The following PTPRN2 variants were observed in gnomAD, a reference collection of about 807,000 sequenced individuals.
PTPRN2 encodes protein tyrosine phosphatase receptor type N2.
PTPRN2 carries 74 observed loss-of-function variants against 118.8 expected under a neutral mutation model. The ratio of observed to expected loss-of-function variants is 0.62; its 90% confidence interval spans 0.52 to 0.76. The LOEUF (loss-of-function observed/expected upper bound fraction) is 0.76, where lower values mean the gene tolerates loss of function less well. Among genes scored for constraint, PTPRN2 ranks in the 30% least tolerant of loss-of-function variants. The probability of loss-of-function intolerance (pLI) is 0.00; values close to 1 mark genes in which losing one functional copy is unlikely to be tolerated. For missense variants in PTPRN2, 1,481 were observed against 1,394.4 expected (o/e 1.06, Z -0.99); for synonymous variants, 641 against 608.0 (o/e 1.05, Z -0.80).
At chr7:158,550,106 G>A (rs1222351877) in intron 1 of PTPRN2, among the ~76,000 whole-genome samples, 3 of 152,228 alleles carry the variant, frequency 2.0e-5, no homozygotes, top group Non-Finnish European at 4.4e-5. Flanking sequence ...TTCTGAAAAT[G>A]AAAGACGGAG....
rs142633304 is a variant in PTPRN2 at position 157,842,957 on chromosome 7, C to T, written c.1788+55716G>A. Among the ~76,000 whole-genome samples the T allele has an allele frequency of 3.2e-3, 482 of 152,274 alleles. 2 individuals are homozygous for T. The highest frequency in any genetic ancestry group is 0.011 in the African/African-American group (474 of 41,546). On this transcript the variant is annotated intron_variant, in intron 12 of 22. Coordinates refer to ENST00000389418, the MANE Select transcript of PTPRN2 (RefSeq NM_002847.5). Reference sequence around the variant, plus strand: ...AGGGATGTGACAGCCCAATCCACACCGCAGACACAGATCCATTGGACCCGG... The same window carrying T: ...AGGGATGTGACAGCCCAATCCACACTGCAGACACAGATCCATTGGACCCGG...
chr7:158,353,792 TAGAA>T (rs1808184680), intron 2 of PTPRN2, among the ~76,000 whole-genome samples: 3 of 152,152 alleles, frequency 2.0e-5, no homozygotes, highest in Admixed American at 2.0e-4. Flanking sequence ...TTTCTACACT[TAGAA>T]AGGTGAGATA....
intron 11 of PTPRN2, among the ~76,000 whole-genome samples, chr7:157,997,221 C>T (rs1195657614): frequency 6.6e-6 from 1 of 152,228 alleles, no homozygotes. Flanking sequence ...CCTGGCGGCT[C>T]CATTTGCTCT....
intron 10 of PTPRN2, among the ~76,000 whole-genome samples, chr7:158,092,274 ATG>A (rs1234933125): frequency 4.5e-5 from 6 of 132,822 alleles, no homozygotes; most frequent in South Asian, 2.6e-4. Flanking sequence ...ATATACATAT[ATG>A]TGTGTGTGTA....
intron 10 of PTPRN2, among the ~76,000 whole-genome samples, chr7:158,084,664 C>T (rs1222644932): frequency 6.6e-6 from 1 of 150,850 alleles, no homozygotes; most frequent in African/African-American, 2.4e-5. Flanking sequence ...ATCCTCGACG[C>T]CCATCCACAC....
In PTPRN2 at chr7:157,621,429, G is replaced by A. The variant is rs141442242; in HGVS notation, c.2277C>T (p.Pro759=). The change falls in exon 15 of 23, where the codon CCC becomes CCT. Residue 759 remains proline (P), a synonymous_variant. Transcript: ENST00000389418. ...CCCTCTGGGCCACGAACGAGCTGTT[G>A]GGCTCCGCCTGGTAGGCGCACAGCG... The part of the protein sequence containing the change: ...WEALCAYQAE[P]NSSFVAQREE... 136 of 1,613,974 alleles carry A rather than the reference G, an allele frequency of 8.4e-5. 1 individual carries two copies. The African/African-American group carries it at 1.7e-3, about 20-fold the overall frequency.
At chr7:158,189,466 G>A (rs1197916058) in intron 5 of PTPRN2, among the ~76,000 whole-genome samples, 3 of 152,196 alleles carry the variant, frequency 2.0e-5, no homozygotes, top group Admixed American at 6.5e-5. Flanking sequence ...AAGGCACATT[G>A]GACGAGCCTC....
chr7:158,200,528 C>T (rs879413897), intron 4 of PTPRN2, among the ~76,000 whole-genome samples: 4 of 152,138 alleles, frequency 2.6e-5, no homozygotes, highest in Non-Finnish European at 5.9e-5. Flanking sequence ...ATACAATTGA[C>T]ACATTTTTAC....
At chr7:158,247,688 C>G (rs1244817126) in intron 3 of PTPRN2, among the ~76,000 whole-genome samples, 4 of 152,178 alleles carry the variant, frequency 2.6e-5, no homozygotes, top group Non-Finnish European at 5.9e-5. Context: ...GCGATCTTGG[C>G]TCACTGCAAT....
intron 11 of PTPRN2, among the ~76,000 whole-genome samples, chr7:158,071,085 C>CCGTGGTGGTGGAGGTGCT (rs1811403635): frequency 7.2e-5 from 1 of 13,850 alleles, no homozygotes. Context: ...GTGGAGGTGC[C>CCGTGGTGGTGGAGGTGCT]CGTGGTGGTG....
chr7:158,502,915 G>A (rs1362293475), intron 1 of PTPRN2, among the ~76,000 whole-genome samples: 3 of 150,732 alleles, frequency 2.0e-5, no homozygotes, highest in African/African-American at 7.3e-5. Flanking sequence ...CAGCCACTGT[G>A]TCCATCAACT....
intron 12 of PTPRN2, among the ~76,000 whole-genome samples, chr7:157,692,346 C>G (rs796661482): frequency 3.0e-4 from 46 of 152,322 alleles, no homozygotes; most frequent in African/African-American, 1.1e-3. Context: ...CCTCCCCTCC[C>G]TTGCACTCTG....
chr7:157,756,416 T>G (rs1264428547), intron 12 of PTPRN2, among the ~76,000 whole-genome samples: 1 of 151,956 alleles, frequency 6.6e-6, no homozygotes, highest in Non-Finnish European at 1.5e-5. Flanking sequence ...TGCCTCAGCC[T>G]CCCGAAGTAC....
intron 10 of PTPRN2, among the ~76,000 whole-genome samples, chr7:158,098,794 CGAG>C (rs1814899883): frequency 6.6e-6 from 1 of 151,836 alleles, no homozygotes; most frequent in Admixed American, 6.6e-5. Flanking sequence ...GCGTGACCAC[CGAG>C]GAGCTGGGGA....
chr7:157,873,416 C>T (rs1489843840), intron 12 of PTPRN2, among the ~76,000 whole-genome samples: 1 of 151,918 alleles, frequency 6.6e-6, no homozygotes, highest in Non-Finnish European at 1.5e-5. Context: ...CGACGTGTGC[C>T]AAGGACATGT....
chr7:158,532,374 G>C (rs77030244), intron 1 of PTPRN2, among the ~76,000 whole-genome samples: 1 of 152,188 alleles, frequency 6.6e-6, no homozygotes, highest in East Asian at 1.9e-4. Flanking sequence ...CGTGGCTCCT[G>C]TGGCTTCTGA....
chr7:157,720,454 C>T (rs1585302632), intron 12 of PTPRN2, among the ~76,000 whole-genome samples: 1 of 152,256 alleles, frequency 6.6e-6, no homozygotes, highest in African/African-American at 2.4e-5. Context: ...AGGACAAAGC[C>T]TTGTTGCACA....
At chr7:158,442,061 ATGGCAGTGG>A (rs1361968765) in intron 2 of PTPRN2, among the ~76,000 whole-genome samples, 3 of 127,268 alleles carry the variant, frequency 2.4e-5, no homozygotes, top group African/African-American at 6.0e-5. Flanking sequence ...GGTGATGGTG[ATGGCAGTGG>A]TGGCAGTGGT....
chr7:157,643,630 C>A (rs982059425), intron 14 of PTPRN2, among the ~76,000 whole-genome samples: 1 of 152,242 alleles, frequency 6.6e-6, no homozygotes, highest in African/African-American at 2.4e-5. Context: ...GCTCCCCCGA[C>A]GGAGCCCCTG....
Sources: allele counts gnomAD v4.1 joint callset (sites outside exome capture counted in the v4.1 genomes callset), GRCh38; gene constraint gnomAD v4.1.1; transcripts MANE v1.5; gene names NCBI Gene and HGNC (gene_info 2026-07-23, HGNC 2026-07-21).